The following STPG2 variants were observed in gnomAD, a reference collection of about 807,000 sequenced individuals.
STPG2 encodes sperm tail PG-rich repeat containing 2.
Under a neutral mutation model 54.2 loss-of-function variants are expected in STPG2, and 56 were observed. That is an observed-to-expected ratio of 1.03 (90% CI 0.83 to 1.29). STPG2 has a LOEUF of 1.29. Among genes scored for constraint, STPG2 ranks in the 50% most tolerant of loss-of-function variants. The pLI, the probability that STPG2 is intolerant of heterozygous loss-of-function variation, is 0.00. For missense variants in STPG2, 596 were observed against 544.9 expected (o/e 1.09, Z -0.93); for synonymous variants, 200 against 181.8 (o/e 1.10, Z -0.81).
At chr4:97,901,577 C>T (rs1731179384) in intron 8 of STPG2, among the ~76,000 whole-genome samples, 2 of 151,742 alleles carry the variant, frequency 1.3e-5, no homozygotes, top group Non-Finnish European at 2.9e-5. Context: ...CATCTTATTT[C>T]TTATAGTATC....
intron 3 of STPG2, among the ~76,000 whole-genome samples, chr4:98,117,531 G>A (rs919803173): frequency 5.3e-5 from 8 of 151,454 alleles, no homozygotes; most frequent in South Asian, 2.1e-4. Flanking sequence ...TTTCTCCTCC[G>A]CTTCTGGGAT....
At chr4:97,541,434 A>C (rs1731702897) in intron 4 of STPG2, among the ~76,000 whole-genome samples, 1 of 152,200 alleles carries the variant, frequency 6.6e-6, no homozygotes, top group African/African-American at 2.4e-5. Flanking sequence ...GATCTGTTTA[A>C]GGAGAACTAC....
chr4:97,575,867 T>G (rs1732709944), intron 10 of STPG2, among the ~76,000 whole-genome samples: 1 of 152,122 alleles, frequency 6.6e-6, no homozygotes, highest in Non-Finnish European at 1.5e-5. Flanking sequence ...TCAAATAGCC[T>G]AATGGCTCTG....
At chr4:97,810,734 G>A (rs1727709761) in intron 9 of STPG2, among the ~76,000 whole-genome samples, 1 of 151,984 alleles carries the variant, frequency 6.6e-6, no homozygotes, top group Admixed American at 6.6e-5. Flanking sequence ...ACAATATACT[G>A]GGATAAAGGC....
chr4:97,687,945 T>G (rs1311587613), intron 10 of STPG2, among the ~76,000 whole-genome samples: 1 of 152,138 alleles, frequency 6.6e-6, no homozygotes, highest in East Asian at 1.9e-4. Flanking sequence ...ATTCTTAAAC[T>G]CCCAAATTTT....
chr4:97,884,526 A>C (rs1211563585), intron 8 of STPG2, among the ~76,000 whole-genome samples: 4 of 152,170 alleles, frequency 2.6e-5, no homozygotes, highest in Admixed American at 2.6e-4. Context: ...CTTAGAAGAA[A>C]CCAATCATGA....
rs1729828927 is a variant in STPG2, at chr4:97,467,939, C to CTCCTATG, written c.462+244759_462+244760insCATAGGA. On this transcript the variant is annotated intron_variant, in intron 4 of 4. Transcript: ENST00000522676. ...GTTCTTATGTGGCATACTACATAGA[C>CTCCTATG]TGTAGAGAATAAACATTATATTATC... is the stretch of plus-strand genomic sequence containing the variant. Among the ~76,000 whole-genome samples, 6 of 150,066 alleles carry CTCCTATG rather than the reference C, an allele frequency of 4.0e-5. No homozygotes were observed. In the South Asian group the frequency reaches 1.3e-3, roughly 31 times the overall value.
At chr4:97,838,976 A>G (rs1728714496) in intron 9 of STPG2, among the ~76,000 whole-genome samples, 1 of 151,496 alleles carries the variant, frequency 6.6e-6, no homozygotes, top group African/African-American at 2.4e-5. Flanking sequence ...ATTAACCAAC[A>G]TGATAAACTC....
intron 9 of STPG2, among the ~76,000 whole-genome samples, chr4:97,717,845 T>C (rs971240519): frequency 1.3e-5 from 2 of 152,164 alleles, no homozygotes; most frequent in Non-Finnish European, 2.9e-5. Flanking sequence ...GAATTATTTG[T>C]AAGAATGAAC....
intron 3 of STPG2, among the ~76,000 whole-genome samples, chr4:98,122,110 T>G (rs370513131): frequency 6.6e-6 from 1 of 152,120 alleles, no homozygotes; most frequent in South Asian, 2.1e-4. Context: ...CTGAGACAAT[T>G]GGGCTTTCTA....
chr4:97,844,595 T>C (rs1235790544), intron 8 of STPG2, among the ~76,000 whole-genome samples: 1 of 152,042 alleles, frequency 6.6e-6, no homozygotes, highest in Non-Finnish European at 1.5e-5. Context: ...GCTTTCAAGA[T>C]GTCACCTTTG....
At chr4:97,568,906 T>G (rs1226435547) in intron 10 of STPG2, among the ~76,000 whole-genome samples, 3 of 151,460 alleles carry the variant, frequency 2.0e-5, no homozygotes, top group Admixed American at 1.3e-4. Flanking sequence ...TTTTGTTTTT[T>G]TTTTTGTTTG....
At chr4:97,854,486 T>C (rs553059364) in intron 8 of STPG2, among the ~76,000 whole-genome samples, 16 of 148,300 alleles carry the variant, frequency 1.1e-4, no homozygotes, top group Middle Eastern at 3.6e-3. Flanking sequence ...ATATAATATA[T>C]ATAATTTATA....
intron 10 of STPG2, among the ~76,000 whole-genome samples, chr4:97,598,382 C>A (rs1049476153): frequency 4.1e-4 from 49 of 119,662 alleles, no homozygotes; most frequent in African/African-American, 3.4e-3. Context: ...GAAAAAAAAA[C>A]ATTTTAAAAT....
intron 9 of STPG2, among the ~76,000 whole-genome samples, chr4:97,799,908 C>T (rs565920100): frequency 1.1e-4 from 17 of 152,262 alleles, no homozygotes; most frequent in Admixed American, 4.6e-4. Context: ...CTCTAAACTT[C>T]TCTTCTCGCT....
At chr4:97,506,845 A>G (rs1227201967) in intron 4 of STPG2, among the ~76,000 whole-genome samples, 1 of 152,078 alleles carries the variant, frequency 6.6e-6, no homozygotes, top group African/African-American at 2.4e-5. Flanking sequence ...ATGCAGCAAG[A>G]AAAAAGGAAA....
At chr4:97,536,779 A>G (rs981355503) in intron 4 of STPG2, among the ~76,000 whole-genome samples, 5 of 152,168 alleles carry the variant, frequency 3.3e-5, no homozygotes, top group Non-Finnish European at 7.3e-5. Context: ...CTCTCTGCTA[A>G]TAATCTAAAG....
At chr4:97,925,303 T>C (rs990576991) in intron 8 of STPG2, among the ~76,000 whole-genome samples, 5 of 152,210 alleles carry the variant, frequency 3.3e-5, no homozygotes, top group Non-Finnish European at 7.3e-5. Context: ...TCGGCCTTGA[T>C]GAAGATGGCA....
At chr4:97,777,141 C>T (rs956053453) in intron 9 of STPG2, among the ~76,000 whole-genome samples, 3 of 152,104 alleles carry the variant, frequency 2.0e-5, no homozygotes, top group Admixed American at 1.3e-4. Context: ...AAATGCACTT[C>T]GTACTGAAAA....
Sources: gnomAD v4.1 joint callset for allele counts (sites outside exome capture counted in the v4.1 genomes callset) on GRCh38, gnomAD v4.1.1 for gene constraint, MANE v1.5 for transcripts, NCBI Gene and HGNC (gene_info 2026-07-23, HGNC 2026-07-21) for gene names.